B3GLCT: variants seen among roughly 807,000 people sequenced by gnomAD.
B3GLCT encodes the protein beta-1,3-glucosyltransferase.
Under a neutral mutation model 63.4 loss-of-function variants are expected in B3GLCT, and 65 were observed. The observed-to-expected ratio is 1.03, with a 90% CI of 0.84 to 1.26. The LOEUF is 1.26. B3GLCT is among the 50% of genes most tolerant of loss of function. The pLI is 0.00. For missense variants in B3GLCT, 577 were observed against 604.8 expected, an observed-to-expected ratio of 0.95 and a Z score of 0.48; for synonymous variants, 233 against 219.2, an observed-to-expected ratio of 1.06 and a Z score of -0.55.
At chr13:31,305,268 A>C (rs1874365690) in intron 12 of B3GLCT, among the ~76,000 whole-genome samples, 1 of 100,962 alleles carries the variant, frequency 9.9e-6, no homozygotes, top group Non-Finnish European at 2.1e-5. Context: ...AATTAAAAGA[A>C]CTAGAAAAGC....
chr13:31,257,112 AC>A (rs1871782445), intron 6 of B3GLCT, among the ~76,000 whole-genome samples: 1 of 152,178 alleles, frequency 6.6e-6, no homozygotes, highest in African/African-American at 2.4e-5. Flanking sequence ...ATATTGAAAA[AC>A]AATCATATAC....
At chr13:31,282,247 C>A (rs1173834471) in intron 10 of B3GLCT, among the ~76,000 whole-genome samples, 1 of 152,042 alleles carries the variant, frequency 6.6e-6, no homozygotes, top group Non-Finnish European at 1.5e-5. Flanking sequence ...ATAAAATAGA[C>A]CATTATTCTA....
rs376739176 is a variant in B3GLCT, at chr13:31,330,976, A to C, written c.*1308A>C. 12 of 152,176 alleles carry C rather than the reference A, an allele frequency of 7.9e-5. No homozygotes were observed. Among genetic ancestry groups the C allele is most frequent in the East Asian group, 7.7e-4 (4 of 5,196 alleles). The allele number at this position is 152,176 out of a possible 1,614,324, so 9.4% of individuals were successfully genotyped here. On this transcript the variant is annotated 3_prime_UTR_variant, in exon 15 of 15. Coordinates refer to ENST00000343307, the MANE Select transcript of B3GLCT (RefSeq NM_194318.4). The stretch of plus-strand genomic sequence containing the variant: ...TTGTAGCATAGATTGACTATTTGCA[A>C]TAGTATTAGTATTTACCATTTTTCC...
rs1566103321 is a variant in B3GLCT, at chr13:31,330,169, G to A, written c.*501G>A. 1 of 175,338 alleles carries A rather than the reference G, an allele frequency of 5.7e-6. No homozygotes were observed. Among genetic ancestry groups the A allele is most frequent in the Admixed American group, 5.5e-5 (1 of 18,210 alleles). The allele number at this position is 175,338 out of a possible 1,614,324, so 10.9% of individuals were successfully genotyped here. On this transcript the variant is annotated 3_prime_UTR_variant, in exon 15 of 15. Coordinates refer to ENST00000343307, the MANE Select transcript of B3GLCT (RefSeq NM_194318.4). ...ATTGATGATGAAAATTATTTCCTGG[G>A]AACTCAGTAGGAATAATACCGTATT...
chr13:31,215,188 A>T, intron 2 of B3GLCT, 88 bp downstream of exon 2: 1 of 1,293,678 alleles, frequency 7.7e-7, no homozygotes, highest in Admixed American at 1.9e-5. Context: ...TTCATTCTTC[A>T]ATTGTTATTT....
At chr13:31,254,327 A>G (rs562777581) in intron 6 of B3GLCT, among the ~76,000 whole-genome samples, 1 of 152,188 alleles carries the variant, frequency 6.6e-6, no homozygotes, top group Admixed American at 6.5e-5. Context: ...CTTATCCACC[A>G]CGATCAAGTT....
intron 10 of B3GLCT, chr13:31,282,950 G>T (rs542241079): frequency 3.3e-5 from 5 of 152,286 alleles, no homozygotes; most frequent in African/African-American, 1.2e-4. Flanking sequence ...TGGGAAATGA[G>T]TCATACACAC....
At chr13:31,235,462 A>G (rs1009882022) in intron 4 of B3GLCT, among the ~76,000 whole-genome samples, 2 of 152,030 alleles carry the variant, frequency 1.3e-5, no homozygotes, top group African/African-American at 4.8e-5. Flanking sequence ...CTGAAGGGCC[A>G]TACGAAGGGA....
chr13:31,288,596 A>G (rs1873471684), intron 12 of B3GLCT, among the ~76,000 whole-genome samples: 1 of 152,202 alleles, frequency 6.6e-6, no homozygotes. Flanking sequence ...TTCAGCTAAT[A>G]ACCATACCCT....
chr13:31,252,042 A>C (rs1377836320), intron 6 of B3GLCT, among the ~76,000 whole-genome samples: 2 of 152,186 alleles, frequency 1.3e-5, no homozygotes, highest in Non-Finnish European at 2.9e-5. Context: ...TACAAGCCAG[A>C]AGAGAGTGTG....
At chr13:31,295,827 T>C (rs1476707509) in intron 12 of B3GLCT, among the ~76,000 whole-genome samples, 6 of 152,136 alleles carry the variant, frequency 3.9e-5, no homozygotes, top group Admixed American at 3.9e-4. Context: ...AGTGAACAGT[T>C]CTGTCTCACT....
At chr13:31,269,037 T>C (rs1377184432) in intron 7 of B3GLCT, among the ~76,000 whole-genome samples, 177 bp from the exon 8 acceptor site, 1 of 152,236 alleles carries the variant, frequency 6.6e-6, no homozygotes, top group African/African-American at 2.4e-5. Flanking sequence ...CATTCATTTA[T>C]TGGTCAGCCA....
intron 12 of B3GLCT, among the ~76,000 whole-genome samples, chr13:31,288,062 A>G (rs999515653): frequency 6.6e-6 from 1 of 152,226 alleles, no homozygotes; most frequent in African/African-American, 2.4e-5. Context: ...GAAGGAGCAC[A>G]TAATTATTTA....
At chr13:31,266,439 G>T (rs561257117) in intron 7 of B3GLCT, among the ~76,000 whole-genome samples, 48 of 152,254 alleles carry the variant, frequency 3.2e-4, no homozygotes, top group Non-Finnish European at 4.9e-4. Flanking sequence ...GGCTTTCATT[G>T]GTTTTTTGGT....
intron 1 of B3GLCT, among the ~76,000 whole-genome samples, chr13:31,212,420 A>G (rs1458315742): frequency 6.6e-6 from 1 of 151,914 alleles, no homozygotes; most frequent in Non-Finnish European, 1.5e-5. Context: ...GACTACAGAC[A>G]TCTGCCACCA....
chr13:31,310,107 G>A (rs1311704612), intron 12 of B3GLCT, among the ~76,000 whole-genome samples: 4 of 152,040 alleles, frequency 2.6e-5, no homozygotes, highest in Non-Finnish European at 4.4e-5. Flanking sequence ...GAACTTCCTC[G>A]ATGCCTTTTA....
chr13:31,269,065 G>C (rs974289488), intron 7 of B3GLCT, 149 bp from the exon 8 acceptor site: 1 of 621,416 alleles, frequency 1.6e-6, no homozygotes, highest in African/African-American at 1.8e-5. Flanking sequence ...GGTTTTCACA[G>C]TCCTTTCCCT....
chr13:31,311,017 G>A (rs2025727), intron 12 of B3GLCT, among the ~76,000 whole-genome samples: 107,645 of 152,132 alleles, frequency 0.71, 38,951 homozygotes, highest in Middle Eastern at 0.8. Flanking sequence ...GTGAGGCCCC[G>A]GCCAGAGGTG....
chr13:31,208,171 C>T (rs763917428), intron 1 of B3GLCT, among the ~76,000 whole-genome samples: 4 of 151,792 alleles, frequency 2.6e-5, no homozygotes, highest in Admixed American at 1.3e-4. Flanking sequence ...GGCCCCGGCC[C>T]GGGTCTCCTC....
Sources: gnomAD v4.1 joint callset for allele counts (sites outside exome capture counted in the v4.1 genomes callset) on GRCh38, gnomAD v4.1.1 for gene constraint, MANE v1.5 for transcripts, NCBI Gene and HGNC (gene_info 2026-07-23, HGNC 2026-07-21) for gene names.